The following USP12 variants were observed in gnomAD, a reference collection of about 807,000 sequenced individuals.
USP12 encodes the protein ubiquitin specific peptidase 12.
A neutral mutation model predicts 45.5 loss-of-function variants in USP12; 19 were observed. The observed-to-expected ratio is 0.42, with a 90% CI of 0.29 to 0.61. The LOEUF (loss-of-function observed/expected upper bound fraction) is 0.61. Among genes scored for constraint, USP12 ranks in the 20% least tolerant of loss-of-function variants. USP12 has a pLI of 0.22. For missense variants in USP12, 242 were observed against 447.7 expected, an observed-to-expected ratio of 0.54 and a Z score of 4.15; for synonymous variants, 149 against 148.8, an observed-to-expected ratio of 1.00 and a Z score of -0.01.
intron 1 of USP12, among the ~76,000 whole-genome samples, chr13:27,138,159 C>G (rs1351999287): frequency 2.0e-5 from 3 of 152,246 alleles, no homozygotes; most frequent in Non-Finnish European, 2.9e-5. Flanking sequence ...CATGAGTTCA[C>G]TTCAGCTGCT....
At chr13:27,150,787 C>T (rs1051029183) in intron 1 of USP12, among the ~76,000 whole-genome samples, 4 of 152,090 alleles carry the variant, frequency 2.6e-5, no homozygotes, top group African/African-American at 9.7e-5. Flanking sequence ...AACAAGAGTG[C>T]CAACTCCAAA....
At chr13:27,158,320 G>A (rs1039043868) in intron 1 of USP12, among the ~76,000 whole-genome samples, 1 of 152,184 alleles carries the variant, frequency 6.6e-6, no homozygotes, top group Non-Finnish European at 1.5e-5. Context: ...AAATGGAAGA[G>A]AGTCTCCTCA....
At position 27,162,579 on chromosome 13, in the gene USP12, A is replaced by G. The variant is rs548439688; in HGVS notation, c.48+9013T>C. Among the ~76,000 whole-genome samples, 5 of 152,310 alleles carry G rather than the reference A, an allele frequency of 3.3e-5. No individual in the cohort carries two copies. The South Asian group carries it at 1.0e-3, about 32-fold the overall frequency. On this transcript the variant is annotated intron_variant, in intron 1 of 8. Coordinates refer to ENST00000282344, the MANE Select transcript of USP12 (RefSeq NM_182488.4). ...AGACTAATAACAACAACAAAATAAA[A>G]TTAATGCTTTTGAAATACCTCAAAA...
At chr13:27,074,981 A>G (rs1003477885) in intron 7 of USP12, among the ~76,000 whole-genome samples, 1 of 152,164 alleles carries the variant, frequency 6.6e-6, no homozygotes, top group African/African-American at 2.4e-5. Context: ...AGAGTAATAA[A>G]TAATAAAAAT....
At chr13:27,171,276 A>AGCAGTTCAGCCGGG (rs1878592819) in intron 1 of USP12, among the ~76,000 whole-genome samples, 1 of 147,268 alleles carries the variant, frequency 6.8e-6, no homozygotes. Context: ...AGCGGACCCC[A>AGCAGTTCAGCCGGG]GCAGTTCAGC....
intron 2 of USP12, among the ~76,000 whole-genome samples, chr13:27,109,312 G>T (rs1192740157): frequency 1.3e-5 from 2 of 152,176 alleles, no homozygotes; most frequent in Admixed American, 6.5e-5. Context: ...ACTGAATATT[G>T]TGTGTCTTTT....
intron 1 of USP12, among the ~76,000 whole-genome samples, chr13:27,169,531 C>G (rs919180976): frequency 6.6e-6 from 1 of 152,126 alleles, no homozygotes; most frequent in Non-Finnish European, 1.5e-5. Context: ...CAGACACACC[C>G]AATTTTAATA....
chr13:27,088,317 G>A (rs1365793533), intron 6 of USP12, among the ~76,000 whole-genome samples: 1 of 151,322 alleles, frequency 6.6e-6, no homozygotes. Flanking sequence ...TCGGGAGGCT[G>A]AGGCAGGAGA....
intron 1 of USP12, among the ~76,000 whole-genome samples, chr13:27,130,792 G>A (rs1423084670): frequency 5.9e-5 from 9 of 152,150 alleles, no homozygotes; most frequent in Non-Finnish European, 1.3e-4. Flanking sequence ...TTTCCTGGAT[G>A]AGAACCATTT....
chr13:27,098,951 C>T (rs150702398), intron 3 of USP12, among the ~76,000 whole-genome samples: 321 of 152,184 alleles, frequency 2.1e-3, no homozygotes, highest in African/African-American at 7.4e-3. Flanking sequence ...AACAAACAAC[C>T]GGCTGGAAGC....
chr13:27,094,904 T>C (rs1455693262), intron 4 of USP12, among the ~76,000 whole-genome samples: 12 of 152,070 alleles, frequency 7.9e-5, no homozygotes, highest in Admixed American at 7.9e-4. Flanking sequence ...TCCCAGAACT[T>C]TGAGAGGCCA....
intron 1 of USP12, among the ~76,000 whole-genome samples, chr13:27,137,902 C>T (rs1194976225): frequency 1.3e-5 from 2 of 152,254 alleles, no homozygotes; most frequent in Non-Finnish European, 2.9e-5. Flanking sequence ...ATGGAGAGGG[C>T]CACATGGCGA....
intron 1 of USP12, among the ~76,000 whole-genome samples, chr13:27,146,222 T>G (rs138298175): frequency 8.5e-5 from 13 of 152,160 alleles, no homozygotes; most frequent in African/African-American, 3.1e-4. Context: ...GCCAACATGG[T>G]GAAACCCTGT....
chr13:27,132,475 C>A (rs1048794249), intron 1 of USP12, among the ~76,000 whole-genome samples: 2 of 152,072 alleles, frequency 1.3e-5, no homozygotes, highest in South Asian at 4.2e-4. Context: ...AGAAATATAG[C>A]CCTCACTCAT....
At chr13:27,102,557 C>T (rs1874918963) in intron 3 of USP12, among the ~76,000 whole-genome samples, 1 of 152,198 alleles carries the variant, frequency 6.6e-6, no homozygotes, top group Non-Finnish European at 1.5e-5. Context: ...TTCTTTCCAT[C>T]CTTCAAGCAC....
intron 1 of USP12, among the ~76,000 whole-genome samples, chr13:27,152,520 A>T (rs755924806): frequency 2.6e-5 from 4 of 152,226 alleles, no homozygotes; most frequent in Non-Finnish European, 5.9e-5. Context: ...AAGGGTATAA[A>T]GTATCGTTCA....
intron 1 of USP12, among the ~76,000 whole-genome samples, chr13:27,163,776 A>AAG (rs564222299): frequency 9.7e-4 from 110 of 113,084 alleles, no homozygotes; most frequent in Admixed American, 4.9e-3. Flanking sequence ...CTTAAAAAAA[A>AAG]AAAAAAAAAG....
intron 1 of USP12, among the ~76,000 whole-genome samples, chr13:27,158,205 G>C (rs1252211601): frequency 1.3e-5 from 2 of 152,142 alleles, no homozygotes; most frequent in African/African-American, 4.8e-5. Flanking sequence ...TCGGACACAG[G>C]CATAGAAGGA....
At chr13:27,132,571 C>A (rs116147074) in intron 1 of USP12, among the ~76,000 whole-genome samples, 2 of 152,146 alleles carry the variant, frequency 1.3e-5, no homozygotes, top group African/African-American at 2.4e-5. Context: ...GTTGGCTGTA[C>A]GGCTTTGTGA....
Sources: allele counts gnomAD v4.1 joint callset (sites outside exome capture counted in the v4.1 genomes callset), GRCh38; gene constraint gnomAD v4.1.1; transcripts MANE v1.5; gene names NCBI Gene and HGNC (gene_info 2026-07-23, HGNC 2026-07-21).